Variants in PPARG observed in about 807,000 individuals in gnomAD.
The protein encoded by PPARG is peroxisome proliferator activated receptor gamma, also known as peroxisome proliferator-activated receptor gamma.
PPARG carries 17 observed loss-of-function variants against 39.2 expected under a neutral mutation model. The observed-to-expected ratio is 0.43, with a 90% CI of 0.30 to 0.65. The LOEUF is 0.65. PPARG is among the 30% of genes least tolerant of loss of function. The probability of loss-of-function intolerance (pLI) is 0.13; values close to 1 mark genes in which losing one functional copy is unlikely to be tolerated. For missense variants in PPARG, 406 were observed against 585.9 expected, an observed-to-expected ratio of 0.69 and a Z score of 3.17; for synonymous variants, 223 against 215.7, an observed-to-expected ratio of 1.03 and a Z score of -0.30.
intron 6 of PPARG, among the ~76,000 whole-genome samples, chr3:12,415,609 T>C (rs1355564986): frequency 6.6e-6 from 1 of 152,244 alleles, no homozygotes; most frequent in African/African-American, 2.4e-5. Flanking sequence ...TATTGCAAAC[T>C]TGAATAATTG....
chr3:12,406,532 CTTTTTTTTTT>C lies in PPARG; in HGVS notation c.729+467_729+476del, dbSNP rs10540594. 314 of 60,498 alleles carry C rather than the reference CTTTTTTTTTT, an allele frequency of 5.2e-3. 4 individuals carry two copies. The highest frequency in any genetic ancestry group is 8.9e-3 in the Non-Finnish European group (272 of 30,648). 3.7% of individuals were successfully genotyped at this position (60,498 alleles called of 1,614,324 possible). A position where few individuals can be genotyped will look rare whatever the true frequency, so the allele number is the denominator to read the frequency against. On this transcript the variant is annotated intron_variant, in intron 6 of 7. Transcript: ENST00000651735. Reference sequence around the variant, plus strand: ...TTCAGGAGAACTACCAGAGTTACCTCTTTTTTTTTTTTTTTTTTTTTTTTTGAGATGTCGT... The same window carrying C: ...TTCAGGAGAACTACCAGAGTTACCTCTTTTTTTTTTTTTTTGAGATGTCGT...
chr3:12,399,068 C>G (rs1024960429), intron 5 of PPARG, among the ~76,000 whole-genome samples: 1 of 152,136 alleles, frequency 6.6e-6, no homozygotes, highest in Non-Finnish European at 1.5e-5. Flanking sequence ...CCCAGTCTCC[C>G]CTACCAGACA....
chr3:12,379,888 G>C lies in PPARG; in HGVS notation c.177G>C (p.Val59=). Residue 59 remains valine, a synonymous_variant, in exon 3 of 8, where the codon GTG becomes GTC. Coordinates refer to ENST00000651735, the MANE Select transcript of PPARG (RefSeq NM_138711.6). ...TTCCATTCACAAGAACAGATCCAGT[G>C]GTTGCAGATTACAAGTATGACCTGA... is the stretch of plus-strand genomic sequence containing the variant. ...EDIPFTRTDP[V]VADYKYDLKL... The C allele has an allele frequency of 6.2e-7, 1 of 1,613,562 alleles. No homozygotes were observed. Among genetic ancestry groups the C allele is most frequent in the Non-Finnish European group, 8.5e-7 (1 of 1,179,606 alleles).
intron 1 of PPARG, among the ~76,000 whole-genome samples, chr3:12,310,823 A>AAAC (rs2047219398): frequency 7.3e-6 from 1 of 136,856 alleles, no homozygotes; most frequent in Non-Finnish European, 1.6e-5. Context: ...AAAAAAAAAA[A>AAAC]ACCCAAGTGG....
At chr3:12,397,353 A>G (rs969131823) in intron 5 of PPARG, among the ~76,000 whole-genome samples, 11 of 149,008 alleles carry the variant, frequency 7.4e-5, no homozygotes, top group Non-Finnish European at 1.5e-4. Context: ...GGCAAATACT[A>G]GATTTCAACT....
At chr3:12,363,501 G>C (rs181567620) in intron 2 of PPARG, among the ~76,000 whole-genome samples, 1 of 144,326 alleles carries the variant, frequency 6.9e-6, no homozygotes, top group Non-Finnish European at 1.5e-5. Flanking sequence ...CACATGGTTT[G>C]CCAGACTAAA....
intron 7 of PPARG, among the ~76,000 whole-genome samples, chr3:12,427,226 T>C (rs1274629651): frequency 4.1e-5 from 1 of 24,330 alleles, no homozygotes; most frequent in African/African-American, 3.1e-4. Flanking sequence ...ATCAGAAAAG[T>C]ACCCTCAAAT....
chr3:12,377,910 C>T (rs2125165528), intron 2 of PPARG, among the ~76,000 whole-genome samples: 1 of 152,212 alleles, frequency 6.6e-6, no homozygotes, highest in Non-Finnish European at 1.5e-5. Flanking sequence ...ATGTAAGAAA[C>T]TCAACAAACT....
At chr3:12,337,460 C>A (rs1247109388) in intron 2 of PPARG, among the ~76,000 whole-genome samples, 1 of 152,126 alleles carries the variant, frequency 6.6e-6, no homozygotes, top group African/African-American at 2.4e-5. Context: ...TAGGCTGATT[C>A]TGAATAGAGC....
chr3:12,407,133 C>T (rs2050699795), intron 6 of PPARG, among the ~76,000 whole-genome samples: 1 of 152,106 alleles, frequency 6.6e-6, no homozygotes, highest in Non-Finnish European at 1.5e-5. Flanking sequence ...TGACCTGGAT[C>T]ATGTCTCTGT....
At position 12,402,176 on chromosome 3, in the gene PPARG, C is replaced by T. The variant is rs146470469; in HGVS notation, c.530-3706C>T. ...TGCCTGGCGCACAATAGTCATTCAA[C>T]AATTATTCCTTGAATAAAGAGACAG... On this transcript the variant is annotated intron_variant, in intron 5 of 7. Coordinates refer to ENST00000651735, the MANE Select transcript of PPARG (RefSeq NM_138711.6). Among the ~76,000 whole-genome samples the T allele has an allele frequency of 9.8e-5, 15 of 152,294 alleles. No homozygotes were observed. The East Asian group carries it at 2.5e-3, about 25-fold the overall frequency.
intron 2 of PPARG, among the ~76,000 whole-genome samples, chr3:12,362,316 G>T (rs903969935): frequency 6.6e-6 from 1 of 151,808 alleles, no homozygotes; most frequent in African/African-American, 2.4e-5. Flanking sequence ...TCAGGAGTTC[G>T]AGACCAGCCT....
At chr3:12,307,097 C>T (rs977864291) in intron 1 of PPARG, among the ~76,000 whole-genome samples, 2 of 83,902 alleles carry the variant, frequency 2.4e-5, no homozygotes, top group African/African-American at 9.2e-5. Context: ...GACTCCGTCT[C>T]AAAAAAAAAA....
At chr3:12,378,153 C>G (rs1448940332) in intron 2 of PPARG, among the ~76,000 whole-genome samples, 1 of 152,086 alleles carries the variant, frequency 6.6e-6, no homozygotes, top group Admixed American at 6.6e-5. Context: ...AGAGGGAACC[C>G]TTGTACACTG....
chr3:12,411,003 G>A (rs1052210162), intron 6 of PPARG, among the ~76,000 whole-genome samples: 4 of 152,150 alleles, frequency 2.6e-5, no homozygotes, highest in Non-Finnish European at 5.9e-5. Context: ...GGATAGTAGT[G>A]CCAATTCATT....
At chr3:12,365,798 A>G (rs1310152954) in intron 2 of PPARG, among the ~76,000 whole-genome samples, 2 of 152,080 alleles carry the variant, frequency 1.3e-5, no homozygotes, top group East Asian at 3.8e-4. Flanking sequence ...TATCTTAATT[A>G]CTTTAACTTT....
At chr3:12,427,293 T>G (rs2051484382) in intron 7 of PPARG, among the ~76,000 whole-genome samples, 1 of 149,170 alleles carries the variant, frequency 6.7e-6, no homozygotes, top group Admixed American at 6.7e-5. Context: ...GTTTTTTGTT[T>G]TGTTATTGTT....
At chr3:12,376,135 G>T (rs1422691247) in intron 2 of PPARG, among the ~76,000 whole-genome samples, 2 of 152,030 alleles carry the variant, frequency 1.3e-5, no homozygotes, top group Non-Finnish European at 2.9e-5. Context: ...TTTTAGCAGA[G>T]ATGGGGTTTC....
In PPARG at chr3:12,403,495, G is replaced by A. The variant is rs992412662; in HGVS notation, c.530-2387G>A. On this transcript the variant is annotated intron_variant, in intron 5 of 7. Transcript: ENST00000651735. ...CTCCTGAGTAGCTGGGATTAGAGGC[G>A]CACACCACCACGCCCAGCTATTTAT... Among the ~76,000 whole-genome samples, 4 of 151,700 alleles carry A rather than the reference G, an allele frequency of 2.6e-5. No individual in the cohort carries two copies. In the East Asian group the frequency reaches 5.8e-4, roughly 22 times the overall value.
Sources: allele counts gnomAD v4.1 joint callset (sites outside exome capture counted in the v4.1 genomes callset), GRCh38; gene constraint gnomAD v4.1.1; transcripts MANE v1.5; gene names NCBI Gene and HGNC (gene_info 2026-07-23, HGNC 2026-07-21).